The following FRY variants were observed in gnomAD, a reference collection of about 807,000 sequenced individuals.
The protein encoded by FRY is protein furry homolog.
FRY carries 128 observed loss-of-function variants against 348.4 expected under a neutral mutation model. The ratio of observed to expected loss-of-function variants is 0.37; its 90% CI spans 0.32 to 0.43. The LOEUF (loss-of-function observed/expected upper bound fraction) is 0.43. Among genes scored for constraint, FRY ranks in the 20% least tolerant of loss-of-function variants. The probability of loss-of-function intolerance (pLI) is 1.00; values close to 1 mark genes in which losing one functional copy is unlikely to be tolerated. For synonymous variants in FRY, 1,370 were observed against 1,374.7 expected (o/e 1.00, Z 0.08); for missense variants, 2,736 against 3,695.2 (o/e 0.74, Z 6.73).
At chr13:32,135,776 T>C (rs17077115) in intron 10 of FRY, among the ~76,000 whole-genome samples, 27,873 of 152,118 alleles carry the variant, frequency 0.18, 3,195 homozygotes, top group African/African-American at 0.32. Flanking sequence ...ACAGCTGTAA[T>C]GTGAAAGTCA....
chr13:32,193,989 T>C (rs369216043), intron 28 of FRY, among the ~76,000 whole-genome samples, 154 bp from the exon 29 acceptor site: 2 of 152,252 alleles, frequency 1.3e-5, no homozygotes, highest in African/African-American at 2.4e-5. Flanking sequence ...TACGACATTA[T>C]ACTCTTGAAG....
intron 15 of FRY, 21 bp downstream of exon 15, chr13:32,155,683 A>C (rs775466970): frequency 1.3e-6 from 2 of 1,587,594 alleles, no homozygotes; most frequent in South Asian, 2.2e-5. Flanking sequence ...GAAGTGCATA[A>C]GAACTAAGCC....
At chr13:32,046,930 C>G (rs12428063) in intron 1 of FRY, among the ~76,000 whole-genome samples, 40 of 152,198 alleles carry the variant, frequency 2.6e-4, no homozygotes, top group Admixed American at 2.4e-3. Context: ...GGGACTGTTA[C>G]GATCATGTGC....
intron 26 of FRY, 74 bp downstream of exon 26, chr13:32,185,222 G>A (rs779682918): frequency 5.7e-5 from 76 of 1,339,828 alleles, no homozygotes; most frequent in African/African-American, 8.6e-5. Flanking sequence ...CGGTGCTTTC[G>A]TCTTTAACCC....
At chr13:32,164,342 G>GT (rs534708394) in intron 17 of FRY, among the ~76,000 whole-genome samples, 16 of 151,842 alleles carry the variant, frequency 1.1e-4, no homozygotes, top group South Asian at 6.3e-4. Flanking sequence ...TTAAAACCTT[G>GT]TTTTTTTTCA....
At chr13:32,052,744 A>C (rs556937124) in intron 1 of FRY, among the ~76,000 whole-genome samples, 1 of 152,244 alleles carries the variant, frequency 6.6e-6, no homozygotes, top group Non-Finnish European at 1.5e-5. Flanking sequence ...GTCCAAACAT[A>C]CTTAAAACAT....
intron 44 of FRY, among the ~76,000 whole-genome samples, chr13:32,238,429 A>G (rs1046766860): frequency 2.1e-5 from 3 of 139,744 alleles, no homozygotes; most frequent in Non-Finnish European, 4.5e-5. Context: ...TTTTTCATTT[A>G]TGTCTTTTTG....
chr13:32,153,305 C>T (rs1880913255), intron 14 of FRY, among the ~76,000 whole-genome samples: 1 of 152,150 alleles, frequency 6.6e-6, no homozygotes, highest in South Asian at 2.1e-4. Flanking sequence ...CATGTCCAAA[C>T]CCCGGTGAAT....
At chr13:32,186,445 G>C (rs752369874) in intron 27 of FRY, 25 bp downstream of exon 27, 1 of 1,439,838 alleles carries the variant, frequency 6.9e-7, no homozygotes, top group South Asian at 1.1e-5. Context: ...ACTCACGAAT[G>C]ACTGAGTCAG....
At chr13:32,251,625 A>G (rs915384323) in intron 49 of FRY, among the ~76,000 whole-genome samples, 19 of 152,164 alleles carry the variant, frequency 1.2e-4, no homozygotes, top group Admixed American at 1.2e-3. Context: ...AAAAAAAAGG[A>G]AAAACAGGCA....
At position 32,202,428 on chromosome 13, in the gene FRY, A is replaced by T; in HGVS notation, c.3919A>T (p.Thr1307Ser). ...EQRPGSILYGTHGPLPPLYSV... is the reference protein window; with the variant it reads ...EQRPGSILYGSHGPLPPLYSV... ...AAGACCGGGAAGTATTCTCTATGGAACACACGGCCCGCTGCCACCCCTCTA... is the reference window on the plus strand; with the variant it reads ...AAGACCGGGAAGTATTCTCTATGGATCACACGGCCCGCTGCCACCCCTCTA... The change falls in exon 31 of 61, where the codon ACA (threonine) becomes TCA (serine). Residue 1307 changes from threonine to serine, a missense_variant. By Grantham distance (58) the Thr-to-Ser change is moderately conservative. Transcript: ENST00000542859. The T allele has an allele frequency of 1.2e-6, 2 of 1,614,054 alleles. No individual in the cohort carries two copies. The highest frequency in any genetic ancestry group is 1.7e-6 in the Non-Finnish European group (2 of 1,179,938).
chr13:32,262,505 A>T (rs1887707370), intron 53 of FRY, 30 bp downstream of exon 53: 1 of 1,572,584 alleles, frequency 6.4e-7, no homozygotes, highest in Non-Finnish European at 8.8e-7. Flanking sequence ...GATGATTTGT[A>T]CTTCCCTTAA....
intron 23 of FRY, 79 bp downstream of exon 23, chr13:32,179,878 T>A: frequency 1.4e-6 from 2 of 1,423,638 alleles, no homozygotes; most frequent in Admixed American, 3.3e-5. Flanking sequence ...CAGATTTGAG[T>A]CTGTGTGTTG....
chr13:32,130,452 T>TTGTGTGTGTGTGTGTGTGTG lies in FRY; in HGVS notation c.717-1202_717-1183dup, dbSNP rs58000380. On this transcript the variant is annotated intron_variant, in intron 7 of 60. Coordinates refer to ENST00000542859, the MANE Select transcript of FRY (RefSeq NM_023037.3). ...TTAGACTGTTTTCTTTGGAAAGTGT[T>TTGTGTGTGTGTGTGTGTGTG]TGTGTGTGTGTGTGTGTGTGTGTGT... Among the ~76,000 whole-genome samples, 1,307 of 141,934 alleles carry TTGTGTGTGTGTGTGTGTGTG rather than the reference T, an allele frequency of 9.2e-3. 13 individuals carry two copies. Among genetic ancestry groups the TTGTGTGTGTGTGTGTGTGTG allele is most frequent in the Middle Eastern group, 0.029 (8 of 274 alleles). The allele number at this position is 141,934 out of a possible 152,430, so 93.1% of individuals were successfully genotyped here.
chr13:32,142,763 G>T (rs1880155908), intron 11 of FRY, among the ~76,000 whole-genome samples: 1 of 152,124 alleles, frequency 6.6e-6, no homozygotes, highest in Non-Finnish European at 1.5e-5. Context: ...GATTGTTTTT[G>T]ATTTTGAATA....
Position 32,261,557 on chromosome 13 carries a change from T to C in FRY, c.7417-59T>C, listed in dbSNP as rs749333166. 19 of 1,329,268 alleles carry C rather than the reference T, an allele frequency of 1.4e-5. No homozygotes were observed. In the Admixed American group the frequency reaches 1.7e-4, roughly 12 times the overall value. The allele number at this position is 1,329,268 out of a possible 1,614,324, so 82.3% of individuals were successfully genotyped here. On this transcript the variant is annotated intron_variant, in intron 51 of 60. Coordinates refer to ENST00000542859, the MANE Select transcript of FRY (RefSeq NM_023037.3). ...CCCAAGCTATGACTAATTGAATGTG[T>C]GAACATGTGAGTGCAAGAGGATTTT...
intron 55 of FRY, among the ~76,000 whole-genome samples, chr13:32,270,112 A>AATCC (rs1888131603): frequency 6.6e-6 from 1 of 152,378 alleles, no homozygotes; most frequent in East Asian, 1.9e-4. Context: ...ACCAGATTGA[A>AATCC]ATTTTAAGGC....
At chr13:32,211,622 A>AT (rs1320815272) in intron 34 of FRY, among the ~76,000 whole-genome samples, 14 of 152,126 alleles carry the variant, frequency 9.2e-5, no homozygotes, top group Non-Finnish European at 1.6e-4. Context: ...TCATTTCTGG[A>AT]TCCCCCTTCT....
intron 54 of FRY, among the ~76,000 whole-genome samples, chr13:32,266,217 A>G (rs1887919493): frequency 6.6e-6 from 1 of 152,240 alleles, no homozygotes; most frequent in Non-Finnish European, 1.5e-5. Context: ...AATAAGAACT[A>G]AGTAAAAGCT....
Sources: gnomAD v4.1 joint callset for allele counts (sites outside exome capture counted in the v4.1 genomes callset) on GRCh38, gnomAD v4.1.1 for gene constraint, MANE v1.5 for transcripts, NCBI Gene and HGNC (gene_info 2026-07-23, HGNC 2026-07-21) for gene names.